Variants in PTCH2 observed in about 807,000 individuals in gnomAD.
PTCH2 encodes patched 2.
A neutral mutation model predicts 117.9 loss-of-function variants in PTCH2; 96 were observed. The ratio of observed to expected loss-of-function variants is 0.81; its 90% CI spans 0.69 to 0.96. PTCH2 has a LOEUF of 0.96. PTCH2 is among the 50% of genes least tolerant of loss of function. PTCH2 has a pLI of 0.00. For synonymous variants in PTCH2, 615 were observed against 660.9 expected (o/e 0.93, Z 1.06); for missense variants, 1,379 against 1,562.5 (o/e 0.88, Z 1.98).
At chr1:44,820,484 A>G, downstream of PTCH2, 1 of 685,720 alleles carries the variant, frequency 1.5e-6, no homozygotes, top group South Asian at 1.5e-5. Context: ...CACAGGAGGC[A>G]CGACCCCACC....
At chr1:44,827,790 G>A in intron 14 of PTCH2, 53 bp downstream of exon 14, 2 of 1,612,428 alleles carry the variant, frequency 1.2e-6, no homozygotes, top group East Asian at 4.5e-5. Context: ...AGCCCTCTCT[G>A]CCCTTCTGGG....
chr1:44,834,637 G>A (rs913227796), intron 2 of PTCH2, among the ~76,000 whole-genome samples: 33 of 152,166 alleles, frequency 2.2e-4, no homozygotes, highest in Non-Finnish European at 4.7e-4. Flanking sequence ...AAAGAAACAC[G>A]GATAATTTAA....
rs2148871061 is a variant in PTCH2, at chr1:44,822,496, G to A, written c.3531C>T (p.Ala1177=). 6.2e-7 allele frequency: 1 copy of A among 1,614,018 alleles called. No homozygotes were observed. The highest frequency in any genetic ancestry group is 8.5e-7 in the Non-Finnish European group (1 of 1,179,952). The change falls in exon 22 of 22, where the codon GCC becomes GCT. Residue 1177 remains alanine (A), a synonymous_variant. Transcript: ENST00000372192. ...CAGGGGACCAAGGGGGCTCATCAGG[G>A]GCTGGATGGATGTAGGCACCAGGCA... The part of the protein sequence containing the change: ...PPLPGAYIHP[A]PDEPPWSPAA...
rs1200125212 is a variant in PTCH2 at position 44,828,123 on chromosome 1, A to C, written c.1778T>G (p.Ile593Ser). Reference protein sequence around the residue: ...ELGDGTVPVGIAHLTATVQAF... With the variant: ...ELGDGTVPVGSAHLTATVQAF... ...TTGAACTGTGGCAGTGAGGTGGGCA[A>C]TGCCCACTGGTACTGTCCCGTCCCC... The change falls in exon 14 of 22, where the codon ATT (isoleucine) becomes AGT (serine). Residue 593 changes from isoleucine to serine, a missense_variant. By Grantham distance (142) the Ile-to-Ser change is moderately radical. Transcript: ENST00000372192. The C allele has an allele frequency of 6.2e-7, 1 of 1,614,026 alleles. No homozygotes were observed. The highest frequency in any genetic ancestry group is 1.1e-5 in the South Asian group (1 of 91,082).
In PTCH2 at chr1:44,842,885, G is replaced by C; in HGVS notation, c.48C>G (p.Pro16=). The C allele has an allele frequency of 6.4e-7, 1 of 1,550,972 alleles. No homozygotes were observed. The highest frequency in any genetic ancestry group is 8.7e-7 in the Non-Finnish European group (1 of 1,146,618). ...CCTGGGGTGCTGCGGTTCGAGCTGG[G>C]GGTGTGTAACTCGGGGGCAGCTCTC... ...PLRELPPSYT[P]PARTAAPQIL... The change falls in exon 1 of 22, where the codon CCC becomes CCG. Residue 16 remains proline (P), a synonymous_variant. Transcript: ENST00000372192.
At position 44,822,729 on chromosome 1, in the gene PTCH2, G is replaced by C. The variant is rs541349218; in HGVS notation, c.3358-60C>G. 26 of 1,530,614 alleles carry C rather than the reference G, an allele frequency of 1.7e-5. No homozygotes were observed. The East Asian group carries it at 5.9e-4, about 34-fold the overall frequency. 94.8% of individuals were successfully genotyped at this position (1,530,614 alleles called of 1,614,324 possible). On this transcript the variant is annotated intron_variant, in intron 21 of 21. Coordinates refer to ENST00000372192, the MANE Select transcript of PTCH2 (RefSeq NM_003738.5). Reference sequence around the variant, plus strand: ...GCCCCTGGGGCTCCCGTCCCCTTTAGCATCTCGCTGGGGATTACCATGACT... The same window carrying C: ...GCCCCTGGGGCTCCCGTCCCCTTTACCATCTCGCTGGGGATTACCATGACT...
chr1:44,820,243 C>A, downstream of PTCH2: 1 of 391,968 alleles, frequency 2.6e-6, no homozygotes, highest in Non-Finnish European at 5.2e-6. Flanking sequence ...TTCCGCGCCA[C>A]CGGGGAAGCC....
Position 44,842,874 on chromosome 1 carries a change from G to A in PTCH2, c.59C>T (p.Thr20Ile). Residue 20 changes from threonine to isoleucine, a missense_variant, in exon 1 of 22, where the codon ACC becomes ATC. Coordinates refer to ENST00000372192, the MANE Select transcript of PTCH2 (RefSeq NM_003738.5). ...CCCTCTACTCACCTGGGGTGCTGCGGTTCGAGCTGGGGGTGTGTAACTCGG... is the reference window on the plus strand; with the variant it reads ...CCCTCTACTCACCTGGGGTGCTGCGATTCGAGCTGGGGGTGTGTAACTCGG... ...LPPSYTPPARTAAPQILAGSL... is the reference protein window; with the variant it reads ...LPPSYTPPARIAAPQILAGSL... 1 of 1,550,892 alleles carries A rather than the reference G, an allele frequency of 6.4e-7. No homozygotes were observed. Among genetic ancestry groups the A allele is most frequent in the South Asian group, 1.2e-5 (1 of 83,982 alleles).
At chr1:44,830,130 A>C in intron 6 of PTCH2, 100 bp from the exon 7 acceptor site, 24 of 1,500,218 alleles carry the variant, frequency 1.6e-5, no homozygotes, top group South Asian at 3.6e-5. Context: ...CATGAAGCTC[A>C]GTAGGGCTGG....
rs1483657143 is a variant in PTCH2, at chr1:44,829,321, G to A, written c.1216-9C>T. 1.9e-6 allele frequency: 3 copies of A among 1,613,824 alleles called. No homozygotes were observed. Among genetic ancestry groups the A allele is most frequent in the Middle Eastern group, 1.7e-4 (1 of 6,060 alleles). On this transcript the variant is annotated splice_polypyrimidine_tract_variant and intron_variant, in intron 9 of 21. Transcript: ENST00000372192. ...ACACAGGCATAGGCCAGCTGTGGGG[G>A]GAAAGGGCAGTCTCAGGGGCTCCCA...
intron 2 of PTCH2, among the ~76,000 whole-genome samples, chr1:44,839,194 G>A: frequency 6.6e-6 from 1 of 152,000 alleles, no homozygotes; most frequent in South Asian, 2.1e-4. Context: ...CCAACATGGT[G>A]ACACCCTGTT....
chr1:44,821,689 C>T (rs1358075742), downstream of PTCH2: 5 of 863,432 alleles, frequency 5.8e-6, no homozygotes, highest in South Asian at 1.1e-4. Flanking sequence ...TTTTTCTGCT[C>T]TCGGTCTCCA....
rs770079631 is a variant in PTCH2 at position 44,827,805 on chromosome 1, G to C, written c.2058+38C>G. On this transcript the variant is annotated intron_variant, in intron 14 of 21. Transcript: ENST00000372192. ...AGCCCTCTCTGCCCTTCTGGGCCCA[G>C]AGATGCTAAGTCTCTGCCCTGCTCT... 10 of 1,613,114 alleles carry C rather than the reference G, an allele frequency of 6.2e-6. No homozygotes were observed. The Admixed American group carries it at 8.3e-5, about 13-fold the overall frequency.
At position 44,828,290 on chromosome 1, in the gene PTCH2, C is replaced by A. The variant is rs773080302; in HGVS notation, c.1709+6G>T. On this transcript the variant is annotated splice_donor_region_variant and intron_variant, in intron 13 of 21. Coordinates refer to ENST00000372192, the MANE Select transcript of PTCH2 (RefSeq NM_003738.5). ...CGGGAGGAAGGGGCTGGGGCGCAGG[C>A]AGTACCTGGAGAAGCAGCAGAGCAC... 5 of 1,613,808 alleles carry A rather than the reference C, an allele frequency of 3.1e-6. No individual in the cohort carries two copies. Among genetic ancestry groups the A allele is most frequent in the Non-Finnish European group, 4.2e-6 (5 of 1,179,796 alleles).
At chr1:44,842,274 CTTT>C (rs200149437) in intron 1 of PTCH2, among the ~76,000 whole-genome samples, 35 of 130,954 alleles carry the variant, frequency 2.7e-4, no homozygotes, top group South Asian at 1.4e-3. Context: ...GTTTTCTCTC[CTTT>C]TTTTTTTTTT....
chr1:44,826,528 C>T lies in PTCH2; in HGVS notation c.2936G>A (p.Cys979Tyr). Reference protein sequence around the residue: ...CILLVCTFLVCALLLLNPWTA... With the variant: ...CILLVCTFLVYALLLLNPWTA... ...CCAGGGGTTGAGGAGCAGCAGAGCA[C>T]AGACGAGGAAAGTGCACACCAGCAG... The change falls in exon 18 of 22, where the codon TGT (cysteine) becomes TAT (tyrosine). Residue 979 changes from cysteine to tyrosine, a missense_variant. By Grantham distance (194) the Cys-to-Tyr change is radical (BLOSUM62 -2). Coordinates refer to ENST00000372192, the MANE Select transcript of PTCH2 (RefSeq NM_003738.5). This position sits in a 1 kb window ranked among gnomAD's most constrained non-coding sequence, Gnocchi z 5.1. 1 of 1,613,842 alleles carries T rather than the reference C, an allele frequency of 6.2e-7. No homozygotes were observed. The highest frequency in any genetic ancestry group is 8.5e-7 in the Non-Finnish European group (1 of 1,180,028).
Position 44,826,549 on chromosome 1 carries a change from A to G in PTCH2, c.2915T>C (p.Leu972Pro), listed in dbSNP as rs1383675691. 1.2e-6 allele frequency: 2 copies of G among 1,613,710 alleles called. No individual in the cohort carries two copies. The highest frequency in any genetic ancestry group is 2.2e-5 in the South Asian group (2 of 91,082). The change falls in exon 18 of 22, where the codon CTG becomes CCG. Residue 972 changes from leucine to proline, a missense_variant. Physicochemically the swap from Leu to Pro is moderately conservative, Grantham distance 98 (BLOSUM62 -3). Transcript: ENST00000372192. The surrounding 1 kb of genome is among the most constrained non-coding windows in gnomAD (Gnocchi z 5.1). The stretch of plus-strand genomic sequence containing the variant: ...AGCACAGACGAGGAAAGTGCACACC[A>G]GCAGGATGCAGACGGCCAGCAGGAA... ...RCFLLAVCIL[L>P]VCTFLVCALL...
chr1:44,827,907 CG>C lies in PTCH2; in HGVS notation c.1993del (p.Arg665AlafsTer35). On this transcript the variant is annotated frameshift_variant, in exon 14 of 22. Transcript: ENST00000372192. LOFTEE classifies it high-confidence loss of function. The stretch of plus-strand genomic sequence containing the variant: ...GCGGGCGAAATGGGCAAGATTCCAG[CG>C]GGCACAGGGCAGGGACTTGCAGGCT... Reference protein sequence around the residue: ...KAACKSLPCARWNLAHFARYQ... With the variant: ...KAACKSLPCAXWNLAHFARYQ... The C allele has an allele frequency of 6.2e-7, 1 of 1,614,184 alleles. No homozygotes were observed. The highest frequency in any genetic ancestry group is 8.5e-7 in the Non-Finnish European group (1 of 1,180,034).
Position 44,829,153 on chromosome 1 carries a change from G to C in PTCH2, c.1371+4C>G. 6.2e-7 allele frequency: 1 copy of C among 1,613,852 alleles called. No individual in the cohort carries two copies. The highest frequency in any genetic ancestry group is 8.5e-7 in the Non-Finnish European group (1 of 1,180,030). On this transcript the variant is annotated splice_donor_region_variant and intron_variant, in intron 10 of 21. Transcript: ENST00000372192. ...ACTGAGTCTGCCCTGCAGTCCTGGC[G>C]TACCTGGGTAGTGGCAGCATTGAAG...
Sources: allele counts gnomAD v4.1 joint callset (sites outside exome capture counted in the v4.1 genomes callset), GRCh38; gene constraint gnomAD v4.1.1; non-coding constraint Gnocchi (gnomAD v3.1); transcripts MANE v1.5; gene names NCBI Gene and HGNC (gene_info 2026-07-23, HGNC 2026-07-21).